The following CSMD1 variants were observed in gnomAD, a reference collection of about 807,000 sequenced individuals.
The protein encoded by CSMD1 is CUB and Sushi multiple domains 1, also known as CUB and sushi domain-containing protein 1.
Under a neutral mutation model 417.5 loss-of-function variants are expected in CSMD1, and 213 were observed. The observed-to-expected ratio is 0.51, with a 90% CI of 0.46 to 0.57. CSMD1 has a LOEUF of 0.57. Ranked by LOEUF, CSMD1 falls within the 20% of genes least tolerant of loss-of-function variation. The pLI is 0.00. For synonymous variants in CSMD1, 2,862 were observed against 1,736.8 expected (o/e 1.65, Z -16.11); for missense variants, 6,923 against 4,529.7 (o/e 1.53, Z -15.17).
intron 1 of CSMD1, among the ~76,000 whole-genome samples, chr8:4,795,662 A>T (rs1057286160): frequency 6.6e-6 from 1 of 152,094 alleles, no homozygotes; most frequent in South Asian, 2.1e-4. Flanking sequence ...AAATGAGTAC[A>T]ATATGGAAAA....
At chr8:3,752,766 G>C (rs1797423352) in intron 6 of CSMD1, among the ~76,000 whole-genome samples, 2 of 149,664 alleles carry the variant, frequency 1.3e-5, no homozygotes, top group African/African-American at 2.5e-5. Context: ...CGTACATCAT[G>C]TGCCCCAGGG....
chr8:4,936,436 A>T (rs1026013212), intron 1 of CSMD1, among the ~76,000 whole-genome samples: 1 of 152,252 alleles, frequency 6.6e-6, no homozygotes, highest in Non-Finnish European at 1.5e-5. Flanking sequence ...AGAAAAAAAT[A>T]GAAGGATTTT....
chr8:2,961,851 G>T (rs55762596), intron 61 of CSMD1, among the ~76,000 whole-genome samples: 2 of 152,146 alleles, frequency 1.3e-5, no homozygotes, highest in African/African-American at 4.8e-5. Context: ...TATTTTTAGT[G>T]TAGAGATAGC....
At chr8:3,623,065 G>T (rs924004410) in intron 7 of CSMD1, among the ~76,000 whole-genome samples, 18 of 152,254 alleles carry the variant, frequency 1.2e-4, no homozygotes, top group African/African-American at 4.3e-4. Flanking sequence ...AATATCAATA[G>T]ATTGGTTCAT....
chr8:4,080,383 C>A (rs35730927), intron 3 of CSMD1, among the ~76,000 whole-genome samples: 15,412 of 152,162 alleles, frequency 0.1, 861 homozygotes, highest in Middle Eastern at 0.13. Context: ...TATCAGAATT[C>A]TACATATTGA....
chr8:3,307,970 A>G, intron 24 of CSMD1, 149 bp from the exon 25 acceptor site: 1 of 920,332 alleles, frequency 1.1e-6, no homozygotes, highest in Non-Finnish European at 1.6e-6. Flanking sequence ...CCGTTTCAAT[A>G]TTTCTTCCAA....
chr8:3,251,977 G>A (rs920178182), intron 26 of CSMD1, among the ~76,000 whole-genome samples: 4 of 152,114 alleles, frequency 2.6e-5, no homozygotes, highest in African/African-American at 9.7e-5. Flanking sequence ...GAGACAATGC[G>A]GTTTTCTAGA....
At chr8:4,448,626 G>C (rs1019326753) in intron 2 of CSMD1, among the ~76,000 whole-genome samples, 3 of 151,994 alleles carry the variant, frequency 2.0e-5, no homozygotes, top group African/African-American at 7.3e-5. Context: ...TGTAATGGTG[G>C]GAAAATATAA....
At chr8:3,218,812 C>T (rs1798034169) in intron 29 of CSMD1, among the ~76,000 whole-genome samples, 1 of 151,888 alleles carries the variant, frequency 6.6e-6, no homozygotes, top group Non-Finnish European at 1.5e-5. Flanking sequence ...GCGGAGGTTG[C>T]AGCGAGCTGA....
chr8:4,160,921 A>G (rs1263303412), intron 3 of CSMD1, among the ~76,000 whole-genome samples: 1 of 152,178 alleles, frequency 6.6e-6, no homozygotes, highest in Non-Finnish European at 1.5e-5. Context: ...GTTTAATATT[A>G]CTTGAGGCCA....
intron 2 of CSMD1, among the ~76,000 whole-genome samples, chr8:4,580,085 AG>A (rs1294529808): frequency 1.3e-5 from 2 of 152,204 alleles, no homozygotes; most frequent in Non-Finnish European, 2.9e-5. Context: ...CTATATTTAA[AG>A]AGGGTGGGAG....
Position 3,500,411 on chromosome 8 carries a change from G to A in CSMD1, c.1345-6685C>T, listed in dbSNP as rs541100908. On this transcript the variant is annotated intron_variant, in intron 10 of 69. Coordinates refer to ENST00000635120, the MANE Select transcript of CSMD1 (RefSeq NM_033225.6). ...AAAAAACAGTATGGAGCTTGGGAGA[G>A]GTTCACGACCAGACACACAGAAATG... Among the ~76,000 whole-genome samples, 5 of 152,242 alleles carry A rather than the reference G, an allele frequency of 3.3e-5. No homozygotes were observed. In the South Asian group the frequency reaches 1.0e-3, roughly 32 times the overall value.
intron 3 of CSMD1, among the ~76,000 whole-genome samples, chr8:4,283,627 A>C (rs1487656712): frequency 6.6e-6 from 1 of 152,206 alleles, no homozygotes; most frequent in Non-Finnish European, 1.5e-5. Context: ...CTTTCCCAAG[A>C]AATGTGGGTA....
intron 7 of CSMD1, among the ~76,000 whole-genome samples, chr8:3,634,165 T>C (rs1018720137): frequency 6.6e-6 from 1 of 152,132 alleles, no homozygotes; most frequent in East Asian, 1.9e-4. Flanking sequence ...ATGTCCTAGC[T>C]TATGAGAGTG....
intron 3 of CSMD1, among the ~76,000 whole-genome samples, chr8:4,145,538 ATTTC>A (rs1158605615): frequency 2.7e-5 from 4 of 150,792 alleles, no homozygotes; most frequent in African/African-American, 7.5e-5. Context: ...CCCATTCAGA[ATTTC>A]TTTATTATTA....
chr8:3,758,145 G>C (rs1316334293), intron 5 of CSMD1, among the ~76,000 whole-genome samples: 1 of 152,044 alleles, frequency 6.6e-6, no homozygotes, highest in African/African-American at 2.4e-5. Flanking sequence ...TGTATATTTA[G>C]TAGAGATGGG....
In CSMD1 at chr8:3,247,899, T is replaced by A. The variant is rs73498290; in HGVS notation, c.4154-17668A>T. 2.7e-3 allele frequency among the ~76,000 whole-genome samples: 404 copies of A among 152,334 alleles called. 2 individuals are homozygous for A. The highest frequency in any genetic ancestry group is 9.3e-3 in the African/African-American group (385 of 41,580). ...TCTCCATGGAATCCATGCATTTTCA[T>A]AGTTCCAGAAGGGAAGCATGTGCTG... On this transcript the variant is annotated intron_variant, in intron 26 of 69. Coordinates refer to ENST00000635120, the MANE Select transcript of CSMD1 (RefSeq NM_033225.6).
At chr8:3,987,235 A>C (rs1257692100) in intron 5 of CSMD1, among the ~76,000 whole-genome samples, 1 of 152,036 alleles carries the variant, frequency 6.6e-6, no homozygotes, top group Non-Finnish European at 1.5e-5. Context: ...CTTCCTGTGA[A>C]CATGCTTCCC....
At chr8:3,091,114 A>G (rs990074143) in intron 48 of CSMD1, among the ~76,000 whole-genome samples, 3 of 152,088 alleles carry the variant, frequency 2.0e-5, no homozygotes, top group Non-Finnish European at 4.4e-5. Flanking sequence ...CTGCAGATAG[A>G]TACAAAAACA....
Sources: allele counts gnomAD v4.1 joint callset (sites outside exome capture counted in the v4.1 genomes callset), GRCh38; gene constraint gnomAD v4.1.1; transcripts MANE v1.5; gene names NCBI Gene and HGNC (gene_info 2026-07-23, HGNC 2026-07-21).